PDZRN4: variants seen among roughly 807,000 people sequenced by gnomAD.
PDZRN4 encodes the protein PDZ domain-containing RING finger protein 4.
In PDZRN4, 70 loss-of-function variants were observed where a neutral mutation model predicts 99.0. The ratio of observed to expected loss-of-function variants is 0.71; its 90% confidence interval spans 0.58 to 0.86. The LOEUF (loss-of-function observed/expected upper bound fraction) is 0.86, where lower values mean the gene tolerates loss of function less well. PDZRN4 is among the 40% of genes least tolerant of loss of function. The pLI is 0.00. For synonymous variants in PDZRN4, 551 were observed against 501.6 expected, an observed-to-expected ratio of 1.10 and a Z score of -1.32; for missense variants, 1,474 against 1,331.2, an observed-to-expected ratio of 1.11 and a Z score of -1.67.
intron 3 of PDZRN4, among the ~76,000 whole-genome samples, chr12:41,469,949 TAA>T (rs991275871): frequency 9.9e-5 from 15 of 151,582 alleles, no homozygotes; most frequent in African/African-American, 3.4e-4. Flanking sequence ...AAATAAAAAA[TAA>T]AAAAAATAAA....
intron 3 of PDZRN4, among the ~76,000 whole-genome samples, chr12:41,228,469 A>G (rs1951009298): frequency 6.6e-6 from 1 of 152,052 alleles, no homozygotes; most frequent in Admixed American, 6.6e-5. Context: ...TTTAACTTGG[A>G]TATAATAGGT....
At chr12:41,281,848 G>A (rs11837950) in intron 3 of PDZRN4, among the ~76,000 whole-genome samples, 6,113 of 152,140 alleles carry the variant, frequency 0.04, 422 homozygotes, top group African/African-American at 0.14. Context: ...CACCAGGCCT[G>A]CCTTACAAGA....
chr12:41,508,832 A>G (rs936847565), intron 4 of PDZRN4, among the ~76,000 whole-genome samples: 1 of 152,150 alleles, frequency 6.6e-6, no homozygotes, highest in African/African-American at 2.4e-5. Flanking sequence ...CCTTTCAACA[A>G]GGGAGAAGGG....
Position 41,573,025 on chromosome 12 carries a change from C to T in PDZRN4, c.2246C>T (p.Pro749Leu), listed in dbSNP as rs1167405632. The change falls in exon 10 of 10, where the codon CCG becomes CTG. Residue 749 changes from proline to leucine, a missense_variant. Transcript: ENST00000402685. ...YNTAESCRST[P>L]LTVDRSPDSS... ...ACAGCTGAGAGCTGCAGAAGTACTC[C>T]GCTCACTGTAGACCGTTCCCCTGAC... The T allele has an allele frequency of 5.0e-6, 8 of 1,614,100 alleles. No homozygotes were observed. Among genetic ancestry groups the T allele is most frequent in the South Asian group, 2.2e-5 (2 of 91,084 alleles).
intron 3 of PDZRN4, among the ~76,000 whole-genome samples, chr12:41,475,788 A>G (rs916527008): frequency 1.3e-5 from 2 of 152,184 alleles, no homozygotes; most frequent in African/African-American, 4.8e-5. Context: ...CAATGCCTGG[A>G]TGATATCTTG....
intron 3 of PDZRN4, among the ~76,000 whole-genome samples, chr12:41,491,190 T>G (rs989129181): frequency 2.0e-5 from 3 of 152,056 alleles, no homozygotes; most frequent in Admixed American, 1.3e-4. Context: ...GTCCAATTAG[T>G]AAGTGAACAA....
intron 3 of PDZRN4, among the ~76,000 whole-genome samples, chr12:41,198,322 C>T (rs1215579192): frequency 1.3e-5 from 2 of 151,768 alleles, no homozygotes; most frequent in East Asian, 3.9e-4. Context: ...CTTTCTTCTC[C>T]CAGCACTCCC....
chr12:41,461,802 A>G (rs1952876032), intron 3 of PDZRN4, among the ~76,000 whole-genome samples: 1 of 152,096 alleles, frequency 6.6e-6, no homozygotes, highest in African/African-American at 2.4e-5. Context: ...TATTGTTTGA[A>G]ACTCTCTTAT....
chr12:41,347,672 T>C (rs1422112512), intron 3 of PDZRN4, among the ~76,000 whole-genome samples: 4 of 152,296 alleles, frequency 2.6e-5, no homozygotes, highest in African/African-American at 9.6e-5. Flanking sequence ...GTATATTTTC[T>C]TTTGTTACTT....
intron 3 of PDZRN4, chr12:41,437,684 C>CG: frequency 8.0e-7 from 1 of 1,257,520 alleles, no homozygotes; most frequent in Non-Finnish European, 1.0e-6. Context: ...GATGCAGAGA[C>CG]GGGGGAGTGT....
chr12:41,366,026 T>C (rs1433628674), intron 3 of PDZRN4, among the ~76,000 whole-genome samples: 1 of 152,098 alleles, frequency 6.6e-6, no homozygotes, highest in Non-Finnish European at 1.5e-5. Flanking sequence ...GAGGCCAAGA[T>C]AAATTTCTGC....
chr12:41,361,336 A>G (rs140706759), intron 3 of PDZRN4, among the ~76,000 whole-genome samples: 230 of 152,200 alleles, frequency 1.5e-3, no homozygotes, highest in African/African-American at 5.1e-3. Context: ...TCCTAATACA[A>G]CAAGGCAAAA....
At chr12:41,445,514 G>A (rs966204984) in intron 3 of PDZRN4, among the ~76,000 whole-genome samples, 1 of 152,002 alleles carries the variant, frequency 6.6e-6, no homozygotes, top group Non-Finnish European at 1.5e-5. Flanking sequence ...TATATAAGTA[G>A]ATTTTCATAT....
At chr12:41,256,620 G>C (rs1951206195) in intron 3 of PDZRN4, among the ~76,000 whole-genome samples, 1 of 152,170 alleles carries the variant, frequency 6.6e-6, no homozygotes, top group South Asian at 2.1e-4. Context: ...TTGTTTACAA[G>C]ATACTCACTT....
chr12:41,570,101 C>T (rs1263443758), intron 9 of PDZRN4, among the ~76,000 whole-genome samples: 1 of 152,080 alleles, frequency 6.6e-6, no homozygotes, highest in African/African-American at 2.4e-5. Flanking sequence ...ACGCTGCCTA[C>T]TCATCAGAGG....
chr12:41,428,724 T>A (rs536245184), intron 3 of PDZRN4, among the ~76,000 whole-genome samples: 5 of 152,126 alleles, frequency 3.3e-5, no homozygotes, highest in Non-Finnish European at 7.4e-5. Context: ...CAAATGTGTG[T>A]GTGTAGGCAG....
At chr12:41,492,775 C>T (rs979335298) in intron 3 of PDZRN4, among the ~76,000 whole-genome samples, 1 of 151,988 alleles carries the variant, frequency 6.6e-6, no homozygotes, top group Non-Finnish European at 1.5e-5. Context: ...CCAAGTCACT[C>T]AGGGATAGCT....
At chr12:41,217,630 CAGTTT>C (rs1409694137) in intron 3 of PDZRN4, among the ~76,000 whole-genome samples, 1 of 152,038 alleles carries the variant, frequency 6.6e-6, no homozygotes, top group East Asian at 1.9e-4. Context: ...TGTTAAAAAT[CAGTTT>C]AGCCTGAAAG....
intron 3 of PDZRN4, among the ~76,000 whole-genome samples, chr12:41,296,810 A>T (rs984757438): frequency 1.1e-4 from 16 of 152,106 alleles, no homozygotes; most frequent in Non-Finnish European, 2.9e-5. Context: ...AAATACAAAA[A>T]TTAGCCAGTC....
Sources: gnomAD v4.1 joint callset for allele counts (sites outside exome capture counted in the v4.1 genomes callset) on GRCh38, gnomAD v4.1.1 for gene constraint, MANE v1.5 for transcripts, NCBI Gene and HGNC (gene_info 2026-07-23, HGNC 2026-07-21) for gene names.